The following TTLL6 variants were observed in gnomAD, a reference collection of about 807,000 sequenced individuals.
The protein encoded by TTLL6 is tubulin tyrosine ligase like 6.
TTLL6 carries 75 observed loss-of-function variants against 96.4 expected under a neutral mutation model. That is an observed-to-expected ratio of 0.78 (90% confidence interval 0.65 to 0.94). The LOEUF (loss-of-function observed/expected upper bound fraction) is 0.94. Ranked by LOEUF, TTLL6 falls within the 40% of genes least tolerant of loss-of-function variation. TTLL6 has a pLI of 0.00. For missense variants in TTLL6, 1,030 were observed against 1,093.0 expected (o/e 0.94, Z 0.81); for synonymous variants, 411 against 419.4 (o/e 0.98, Z 0.24).
At chr17:48,766,072 C>T (rs903869683) in intron 15 of TTLL6, among the ~76,000 whole-genome samples, 4 of 152,180 alleles carry the variant, frequency 2.6e-5, no homozygotes, top group Admixed American at 6.5e-5. Context: ...AAAAGTGACA[C>T]GAAGAATCAG....
chr17:48,804,456 T>C (rs932001436), intron 2 of TTLL6: 1 of 525,500 alleles, frequency 1.9e-6, no homozygotes, highest in Non-Finnish European at 3.7e-6. Context: ...CGTACTAAAT[T>C]TCCAGGACAA....
At chr17:48,812,732 G>C (rs185217583) in intron 1 of TTLL6, among the ~76,000 whole-genome samples, 23 of 152,312 alleles carry the variant, frequency 1.5e-4, no homozygotes, top group Admixed American at 1.1e-3. Context: ...TACTAAAAAT[G>C]AGATGTTCAT....
At chr17:48,797,972 G>A (rs1033250507) in intron 6 of TTLL6, among the ~76,000 whole-genome samples, 2 of 152,018 alleles carry the variant, frequency 1.3e-5, no homozygotes, top group African/African-American at 4.8e-5. Flanking sequence ...GCCAAGTGTG[G>A]TGGTGTATGC....
At position 48,786,184 on chromosome 17, in the gene TTLL6, C is replaced by T. The variant is rs748014581; in HGVS notation, c.1741G>A (p.Ala581Thr). Residue 581 changes from alanine to threonine, a missense_variant, in exon 12 of 16, where the codon GCC becomes ACC. Coordinates refer to ENST00000393382, the MANE Select transcript of TTLL6 (RefSeq NM_001130918.3). ...QQKQQQKDKAATQASKQYIQP... is the reference protein window; with the variant it reads ...QQKQQQKDKATTQASKQYIQP... ...TTTACCTGTTTGGAGGCTTGGGTGG[C>T]GGCCTTGTCTTTCTGCTGTTGTTTC... 3.5e-5 allele frequency: 56 copies of T among 1,614,190 alleles called. 1 individual carries two copies. The highest frequency in any genetic ancestry group is 3.4e-4 in the South Asian group (31 of 91,072).
chr17:48,779,785 G>C (rs1485553074), intron 13 of TTLL6, among the ~76,000 whole-genome samples: 1 of 152,152 alleles, frequency 6.6e-6, no homozygotes, highest in East Asian at 1.9e-4. Context: ...ATATGGTACT[G>C]AGCCAAAGAA....
intron 5 of TTLL6, 74 bp downstream of exon 5, chr17:48,801,181 A>G (rs1345551995): frequency 7.8e-6 from 11 of 1,405,204 alleles, no homozygotes; most frequent in East Asian, 2.5e-5. Flanking sequence ...AGTGGCAACC[A>G]GGGAATCGGG....
intron 1 of TTLL6, among the ~76,000 whole-genome samples, chr17:48,810,849 A>G (rs577140175): frequency 7.2e-6 from 1 of 139,444 alleles, no homozygotes; most frequent in South Asian, 2.2e-4. Context: ...ATATATATAT[A>G]TATATAGTAT....
intron 1 of TTLL6, among the ~76,000 whole-genome samples, chr17:48,810,061 C>T (rs1215706112): frequency 6.7e-6 from 1 of 149,940 alleles, no homozygotes; most frequent in Non-Finnish European, 1.5e-5. Flanking sequence ...ATTGCTTGAA[C>T]CTGGGAGGCA....
At position 48,787,905 on chromosome 17, in the gene TTLL6, T is replaced by C; in HGVS notation, c.1495A>G (p.Ser499Gly). ...TTCTCATACTTCTCCGAATTCAGACTGGGATAAATCAGTCGGAACCCTCCA... is the reference window on the plus strand; with the variant it reads ...TTCTCATACTTCTCCGAATTCAGACCGGGATAAATCAGTCGGAACCCTCCA... ...NCGGFRLIYPSLNSEKYEKFF... is the reference protein window; with the variant it reads ...NCGGFRLIYPGLNSEKYEKFF... Residue 499 changes from serine (S) to glycine (G), a missense_variant, in exon 11 of 16, where the codon AGT becomes GGT. By Grantham distance (56) the Ser-to-Gly change is moderately conservative (BLOSUM62 0). Transcript: ENST00000393382. The C allele has an allele frequency of 6.2e-7, 1 of 1,614,220 alleles. No homozygotes were observed. Among genetic ancestry groups the C allele is most frequent in the Non-Finnish European group, 8.5e-7 (1 of 1,180,032 alleles).
At chr17:48,808,166 T>A (rs1191825296) in intron 1 of TTLL6, among the ~76,000 whole-genome samples, 1 of 152,220 alleles carries the variant, frequency 6.6e-6, no homozygotes, top group Non-Finnish European at 1.5e-5. Flanking sequence ...CTGTATGTAT[T>A]CCATTGAAAG....
In TTLL6 at chr17:48,787,800, T is replaced by A. The variant is rs935361247; in HGVS notation, c.1589+11A>T. On this transcript the variant is annotated intron_variant, in intron 11 of 15. Coordinates refer to ENST00000393382, the MANE Select transcript of TTLL6 (RefSeq NM_001130918.3). ...ACCCCTCCACCGACCTCATCCCGGATGTCTTCCTACCGGGCATACTCCTCC... is the reference window on the plus strand; with the variant it reads ...ACCCCTCCACCGACCTCATCCCGGAAGTCTTCCTACCGGGCATACTCCTCC... 3.7e-6 allele frequency: 6 copies of A among 1,611,786 alleles called. No individual in the cohort carries two copies. The African/African-American group carries it at 6.7e-5, about 18-fold the overall frequency.
chr17:48,787,202 C>T (rs534756779), intron 11 of TTLL6, among the ~76,000 whole-genome samples: 2 of 152,288 alleles, frequency 1.3e-5, no homozygotes, highest in South Asian at 4.1e-4. Context: ...TAGGAGAGGA[C>T]TGGACTCAGT....
intron 13 of TTLL6, among the ~76,000 whole-genome samples, chr17:48,771,188 A>C (rs1192086252): frequency 3.3e-5 from 5 of 152,158 alleles, no homozygotes; most frequent in Non-Finnish European, 7.3e-5. Flanking sequence ...GATAAACTAC[A>C]CATGCTGGGG....
intron 8 of TTLL6, among the ~76,000 whole-genome samples, chr17:48,795,441 C>T (rs1397118629): frequency 1.3e-5 from 2 of 152,172 alleles, no homozygotes; most frequent in Admixed American, 6.5e-5. Context: ...CTCCTTTTCC[C>T]TTTCCTCCTT....
chr17:48,785,266 T>C, intron 12 of TTLL6, 65 bp from the exon 13 acceptor site: 1 of 1,604,370 alleles, frequency 6.2e-7, no homozygotes, highest in Admixed American at 1.7e-5. Flanking sequence ...TCCAGATTCA[T>C]CTGCACCCAG....
At chr17:48,795,612 T>A (rs1273200803) in intron 8 of TTLL6, among the ~76,000 whole-genome samples, 1 of 152,198 alleles carries the variant, frequency 6.6e-6, no homozygotes, top group Non-Finnish European at 1.5e-5. Flanking sequence ...GCTAGCCACA[T>A]GTCAGGGCAC....
intron 2 of TTLL6, 88 bp downstream of exon 2, chr17:48,804,684 C>G: frequency 8.8e-7 from 1 of 1,140,906 alleles, no homozygotes; most frequent in South Asian, 1.4e-5. Flanking sequence ...CTCCTTTACT[C>G]TCTCATCATC....
At chr17:48,771,348 G>C (rs904412512) in intron 13 of TTLL6, among the ~76,000 whole-genome samples, 4 of 152,244 alleles carry the variant, frequency 2.6e-5, no homozygotes, top group African/African-American at 9.6e-5. Flanking sequence ...AACTCTTTAG[G>C]CTGGGCAAGG....
At chr17:48,786,032 C>G (rs1320363869) in intron 12 of TTLL6, 132 bp downstream of exon 12, 6 of 1,366,304 alleles carry the variant, frequency 4.4e-6, no homozygotes, top group Non-Finnish European at 6.0e-6. Flanking sequence ...ACCGCCCCGT[C>G]GTTGCCCAGC....
Sources: allele counts gnomAD v4.1 joint callset (sites outside exome capture counted in the v4.1 genomes callset), GRCh38; gene constraint gnomAD v4.1.1; transcripts MANE v1.5; gene names NCBI Gene and HGNC (gene_info 2026-07-23, HGNC 2026-07-21).